Variants in SYCP1 observed in about 807,000 individuals in gnomAD.
SYCP1 encodes the protein cancer/testis antigen 8.
A neutral mutation model predicts 153.1 loss-of-function variants in SYCP1; 64 were observed. The ratio of observed to expected loss-of-function variants is 0.42; its 90% CI spans 0.34 to 0.51. The LOEUF (loss-of-function observed/expected upper bound fraction) is 0.51. Among genes scored for constraint, SYCP1 ranks in the 20% least tolerant of loss-of-function variants. SYCP1 has a pLI of 0.06. For missense variants in SYCP1, 997 were observed against 1,049.0 expected, an observed-to-expected ratio of 0.95 and a Z score of 0.68; for synonymous variants, 384 against 341.8, an observed-to-expected ratio of 1.12 and a Z score of -1.36.
intron 28 of SYCP1, 93 bp downstream of exon 28, chr1:114,977,709 C>T: frequency 1.3e-6 from 1 of 750,228 alleles, no homozygotes; most frequent in Non-Finnish European, 2.1e-6. Context: ...AGGAAAATAA[C>T]ATTTTACATA....
intron 8 of SYCP1, among the ~76,000 whole-genome samples, chr1:114,861,070 T>C (rs913373565): frequency 6.6e-6 from 1 of 152,148 alleles, no homozygotes; most frequent in Non-Finnish European, 1.5e-5. Context: ...TAAGGTATGA[T>C]TTTGAGACTA....
chr1:114,881,359 G>A (rs959344934), intron 12 of SYCP1, among the ~76,000 whole-genome samples: 1 of 151,888 alleles, frequency 6.6e-6, no homozygotes, highest in Admixed American at 6.6e-5. Flanking sequence ...ATATGTTTGT[G>A]ATTAGCTGTC....
rs111918461 is a variant in SYCP1, at chr1:114,860,281, C to T, written c.525-455C>T. Among the ~76,000 whole-genome samples the T allele has an allele frequency of 4.9e-3, 745 of 152,286 alleles. 8 individuals carry two copies. Among genetic ancestry groups the T allele is most frequent in the African/African-American group, 0.017 (698 of 41,590 alleles). Reference sequence around the variant, plus strand: ...TGTGTTAGTAACTTCAAGATAGCCACAGGTCTCATCATTCACATAATGAAT... The same window carrying T: ...TGTGTTAGTAACTTCAAGATAGCCATAGGTCTCATCATTCACATAATGAAT... On this transcript the variant is annotated intron_variant, in intron 7 of 31. Coordinates refer to ENST00000369522, the MANE Select transcript of SYCP1 (RefSeq NM_003176.4).
intron 27 of SYCP1, among the ~76,000 whole-genome samples, chr1:114,977,344 G>T (rs1352113345): frequency 6.6e-6 from 1 of 151,758 alleles, no homozygotes; most frequent in East Asian, 1.9e-4. Flanking sequence ...ATATACACTA[G>T]AGACTGATTA....
At chr1:114,880,747 C>T (rs1557766890) in intron 12 of SYCP1, among the ~76,000 whole-genome samples, 1 of 152,090 alleles carries the variant, frequency 6.6e-6, no homozygotes, top group African/African-American at 2.4e-5. Context: ...CAGCAGTTTT[C>T]TTTTAAGAAT....
intron 30 of SYCP1, 72 bp from the exon 31 acceptor site, chr1:114,994,626 G>A: frequency 1.7e-6 from 2 of 1,207,010 alleles, no homozygotes. Context: ...CATGTGATAT[G>A]TTGACAAAAT....
At chr1:114,908,121 A>G (rs1667934375) in intron 16 of SYCP1, among the ~76,000 whole-genome samples, 1 of 151,754 alleles carries the variant, frequency 6.6e-6, no homozygotes, top group Non-Finnish European at 1.5e-5. Flanking sequence ...TTTGCTGCTG[A>G]CAAATTTTCT....
At chr1:114,903,909 G>T (rs1369062030) in intron 16 of SYCP1, among the ~76,000 whole-genome samples, 1 of 151,744 alleles carries the variant, frequency 6.6e-6, no homozygotes, top group Non-Finnish European at 1.5e-5. Flanking sequence ...TGTTTGTATG[G>T]GTCTATTTCT....
chr1:114,944,877 G>A lies in SYCP1; in HGVS notation c.2049G>A (p.Glu683=). 2 of 1,579,486 alleles carry A rather than the reference G, an allele frequency of 1.3e-6. 1 individual carries two copies. Among genetic ancestry groups the A allele is most frequent in the South Asian group, 2.4e-5 (2 of 83,848 alleles). Residue 683 remains glutamate, a synonymous_variant, in exon 25 of 32, where the codon GAG becomes GAA. Transcript: ENST00000369522. ...TTTTTTTGCTTATTTGATAGGTTGA[G>A]AAAGCAAAAGTAATAGCTGATGAAG... ...ISEENLLEEV[E]KAKVIADEAV...
intron 12 of SYCP1, among the ~76,000 whole-genome samples, chr1:114,881,192 AC>A (rs1171042328): frequency 6.6e-6 from 1 of 152,038 alleles, no homozygotes; most frequent in East Asian, 1.9e-4. Context: ...TATAGATGGA[AC>A]ATTATTATTA....
At chr1:114,858,066 G>A (rs1664135140) in intron 5 of SYCP1, among the ~76,000 whole-genome samples, 1 of 151,930 alleles carries the variant, frequency 6.6e-6, no homozygotes, top group African/African-American at 2.4e-5. Flanking sequence ...ACAATATAAT[G>A]TGGATTTTAA....
intron 3 of SYCP1, among the ~76,000 whole-genome samples, chr1:114,856,921 CAAAAAAA>C (rs758650224): frequency 1.1e-3 from 41 of 37,284 alleles, no homozygotes; most frequent in Admixed American, 3.4e-3. Flanking sequence ...CCTGTCTGTA[CAAAAAAA>C]AAAAAAAAAA....
intron 13 of SYCP1, 41 bp from the exon 14 acceptor site, chr1:114,886,084 C>G: frequency 7.0e-7 from 1 of 1,437,914 alleles, no homozygotes; most frequent in African/African-American, 1.5e-5. Flanking sequence ...TGGTTAAGGC[C>G]TTTGGATCAT....
chr1:114,869,290 A>G (rs1570664542), intron 8 of SYCP1, among the ~76,000 whole-genome samples: 1 of 152,258 alleles, frequency 6.6e-6, no homozygotes, highest in East Asian at 1.9e-4. Flanking sequence ...TCTTTGACTC[A>G]GGTGGTATTT....
chr1:114,915,406 T>A (rs1168605971), intron 20 of SYCP1, among the ~76,000 whole-genome samples: 1 of 152,238 alleles, frequency 6.6e-6, no homozygotes, highest in Admixed American at 6.5e-5. Flanking sequence ...TTTCTTGCCT[T>A]ATTGGGCATT....
intron 20 of SYCP1, among the ~76,000 whole-genome samples, chr1:114,918,098 T>C (rs1668628343): frequency 6.6e-6 from 1 of 152,140 alleles, no homozygotes; most frequent in South Asian, 2.1e-4. Context: ...CGGTTTCTTT[T>C]AGTAATTTCA....
At chr1:114,870,076 T>C (rs901243517) in intron 8 of SYCP1, among the ~76,000 whole-genome samples, 4 of 152,156 alleles carry the variant, frequency 2.6e-5, no homozygotes, top group Admixed American at 2.0e-4. Context: ...TGCAATGATG[T>C]GATCATAGTT....
chr1:114,958,603 C>G (rs1671579139), intron 27 of SYCP1, among the ~76,000 whole-genome samples: 1 of 151,794 alleles, frequency 6.6e-6, no homozygotes, highest in East Asian at 1.9e-4. Flanking sequence ...AGTAATTTAT[C>G]TTTTTATTAT....
chr1:114,857,612 A>C (rs1664094822), intron 5 of SYCP1, 115 bp downstream of exon 5: 1 of 828,040 alleles, frequency 1.2e-6, no homozygotes, highest in African/African-American at 1.8e-5. Flanking sequence ...ACGTTTTAAG[A>C]TATATCCTTT....
Sources: allele counts gnomAD v4.1 joint callset (sites outside exome capture counted in the v4.1 genomes callset), GRCh38; gene constraint gnomAD v4.1.1; transcripts MANE v1.5; gene names NCBI Gene and HGNC (gene_info 2026-07-23, HGNC 2026-07-21).